EPDR1: variants seen among roughly 807,000 people sequenced by gnomAD.
EPDR1 encodes mammalian ependymin-related protein 1.
EPDR1 carries 27 observed loss-of-function variants against 23.7 expected under a neutral mutation model. The observed-to-expected ratio is 1.14, with a 90% CI of 0.84 to 1.57. The LOEUF is 1.57. Among genes scored for constraint, EPDR1 ranks in the 40% most tolerant of loss-of-function variants. EPDR1 has a pLI of 0.00. For synonymous variants in EPDR1, 137 were observed against 118.2 expected (o/e 1.16, Z -1.03); for missense variants, 349 against 290.4 (o/e 1.20, Z -1.47).
In EPDR1 at chr7:37,948,876, G is replaced by C. The variant is rs756362663; in HGVS notation, c.306G>C (p.Val102=). Residue 102 remains valine, a synonymous_variant, in exon 2 of 3, where the codon GTG becomes GTC. Coordinates refer to ENST00000199448, the MANE Select transcript of EPDR1 (RefSeq NM_017549.5). ...FEYILLYKDG[V]MFQIDQATKQ... is the part of the protein sequence containing the mutation. The stretch of plus-strand genomic sequence containing the variant: ...ATATTTTGCTGTATAAGGATGGAGT[G>C]ATGTTTCAGATTGACCAAGCCACCA... 1.2e-6 allele frequency: 2 copies of C among 1,614,156 alleles called. No individual in the cohort carries two copies. Among genetic ancestry groups the C allele is most frequent in the South Asian group, 2.2e-5 (2 of 91,074 alleles).
intron 1 of EPDR1, among the ~76,000 whole-genome samples, chr7:37,932,876 A>T (rs561123753): frequency 6.6e-6 from 1 of 152,308 alleles, no homozygotes; most frequent in South Asian, 2.1e-4. Context: ...ATCCAGATAT[A>T]TTTTGGGAAA....
At chr7:37,941,136 C>G (rs1334841682) in intron 1 of EPDR1, among the ~76,000 whole-genome samples, 1 of 152,126 alleles carries the variant, frequency 6.6e-6, no homozygotes, top group Non-Finnish European at 1.5e-5. Flanking sequence ...GTTTGTCATA[C>G]ATTGAATAAA....
rs952263281 is a variant in EPDR1 at position 37,931,045 on chromosome 7, A to T, written c.269+9837A>T. Among the ~76,000 whole-genome samples, 99 of 138,920 alleles carry T rather than the reference A, an allele frequency of 7.1e-4. 1 individual carries two copies. The highest frequency in any genetic ancestry group is 1.2e-3 in the Non-Finnish European group (74 of 62,736). 91.1% of individuals were successfully genotyped at this position (138,920 alleles called of 152,430 possible). Reference sequence around the variant, plus strand: ...CAATTCATGTTTTAGTCAGCTAGAGAAATTATTCAATTTTTTTTTTCAGAG... The same window carrying T: ...CAATTCATGTTTTAGTCAGCTAGAGTAATTATTCAATTTTTTTTTTCAGAG... On this transcript the variant is annotated intron_variant, in intron 1 of 2. Coordinates refer to ENST00000199448, the MANE Select transcript of EPDR1 (RefSeq NM_017549.5).
At position 37,950,238 on chromosome 7, in the gene EPDR1, T is replaced by C. The variant is rs1393321238; in HGVS notation, c.517T>C (p.Tyr173His). 6.2e-7 allele frequency: 1 copy of C among 1,614,116 alleles called. No homozygotes were observed. The highest frequency in any genetic ancestry group is 1.1e-5 in the South Asian group (1 of 91,060). ...WIGIYTVKDC[Y>H]PVQETFTINY... Reference sequence around the variant, plus strand: ...TGGCATCTATACAGTCAAGGATTGCTATCCTGTCCAGGAAACCTTTACCAT... The same window carrying C: ...TGGCATCTATACAGTCAAGGATTGCCATCCTGTCCAGGAAACCTTTACCAT... The change falls in exon 3 of 3, where the codon TAT becomes CAT. Residue 173 changes from tyrosine (Y) to histidine (H), a missense_variant. Transcript: ENST00000199448.
chr7:37,945,769 T>C (rs1786262662), intron 1 of EPDR1, among the ~76,000 whole-genome samples: 1 of 152,220 alleles, frequency 6.6e-6, no homozygotes, highest in South Asian at 2.1e-4. Context: ...GATGTGCAGA[T>C]TTGTTACACA....
chr7:37,948,157 C>G (rs997729425), intron 1 of EPDR1, among the ~76,000 whole-genome samples: 14 of 152,122 alleles, frequency 9.2e-5, no homozygotes, highest in African/African-American at 2.7e-4. Context: ...TGACTGAGTG[C>G]TGTGAGAGAA....
At chr7:37,928,260 C>A (rs767800596) in intron 1 of EPDR1, among the ~76,000 whole-genome samples, 3 of 152,148 alleles carry the variant, frequency 2.0e-5, no homozygotes, top group African/African-American at 4.8e-5. Context: ...GGGCAAAGTG[C>A]CCAAAGATCT....
chr7:37,945,952 G>T (rs149181145), intron 1 of EPDR1, among the ~76,000 whole-genome samples: 2 of 152,080 alleles, frequency 1.3e-5, no homozygotes, highest in African/African-American at 4.8e-5. Flanking sequence ...TTCAGCTCCC[G>T]CTTATAAGTG....
intron 1 of EPDR1, among the ~76,000 whole-genome samples, chr7:37,932,456 T>A (rs946712552): frequency 2.0e-5 from 3 of 152,206 alleles, no homozygotes; most frequent in Non-Finnish European, 2.9e-5. Context: ...ATATTTTTCA[T>A]CAGAAAGCTA....
chr7:37,928,259 G>GC (rs1002093652), intron 1 of EPDR1, among the ~76,000 whole-genome samples: 1 of 152,178 alleles, frequency 6.6e-6, no homozygotes, highest in African/African-American at 2.4e-5. Flanking sequence ...GGGGCAAAGT[G>GC]CCCAAAGATC....
At chr7:37,927,546 A>C (rs966409433) in intron 1 of EPDR1, among the ~76,000 whole-genome samples, 68 of 152,282 alleles carry the variant, frequency 4.5e-4, no homozygotes, top group African/African-American at 1.5e-3. Context: ...GGTCCTACCT[A>C]GTGGCTTTAG....
chr7:37,941,423 T>C (rs1199979621), intron 1 of EPDR1, among the ~76,000 whole-genome samples: 1 of 152,212 alleles, frequency 6.6e-6, no homozygotes, highest in Non-Finnish European at 1.5e-5. Flanking sequence ...GCAGCATTAA[T>C]AGTGGGAAGG....
Position 37,921,074 on chromosome 7 carries a change from G to A in EPDR1, c.135G>A (p.Pro45=), listed in dbSNP as rs1785686923. 2 of 1,569,522 alleles carry A rather than the reference G, an allele frequency of 1.3e-6. No homozygotes were observed. Among genetic ancestry groups the A allele is most frequent in the Admixed American group, 1.8e-5 (1 of 56,540 alleles). ...GAGCCCCGCGCCCGTGCCAGGCGCC[G>A]CAGCAGTGGGAGGGGCGCCAGGTTA... The part of the protein sequence containing the change: ...AVGAPRPCQA[P]QQWEGRQVMY... The change falls in exon 1 of 3, where the codon CCG becomes CCA. Residue 45 remains proline, a synonymous_variant. Transcript: ENST00000199448.
intron 1 of EPDR1, among the ~76,000 whole-genome samples, chr7:37,938,394 A>G (rs1188977319): frequency 6.6e-6 from 1 of 152,164 alleles, no homozygotes; most frequent in Non-Finnish European, 1.5e-5. Context: ...ATCTCATGGA[A>G]TTGTCCTTGT....
chr7:37,946,307 G>T lies in EPDR1; in HGVS notation c.270-2533G>T, dbSNP rs143343826. On this transcript the variant is annotated intron_variant, in intron 1 of 2. Transcript: ENST00000199448. ...TTCTAGGTCTTTGAGGAATTGCCAC[G>T]CTGTCTTCCACAATGGTTGAACTAA... 2.9e-3 allele frequency among the ~76,000 whole-genome samples: 434 copies of T among 152,218 alleles called. 2 individuals carry two copies. Among genetic ancestry groups the T allele is most frequent in the African/African-American group, 0.01 (421 of 41,542 alleles).
Position 37,938,035 on chromosome 7 carries a change from G to A in EPDR1, c.270-10805G>A, listed in dbSNP as rs1400442438. ...AGATGGAGCCTTTCTCTGCCGCCCAGGCTAGAATGCAGTGGTGCAGTCTCA... is the reference window on the plus strand; with the variant it reads ...AGATGGAGCCTTTCTCTGCCGCCCAAGCTAGAATGCAGTGGTGCAGTCTCA... On this transcript the variant is annotated intron_variant, in intron 1 of 2. Coordinates refer to ENST00000199448, the MANE Select transcript of EPDR1 (RefSeq NM_017549.5). Among the ~76,000 whole-genome samples, 11 of 107,052 alleles carry A rather than the reference G, an allele frequency of 1.0e-4. No individual in the cohort carries two copies. In the Admixed American group the frequency reaches 1.1e-3, roughly 11 times the overall value. 70.2% of individuals were successfully genotyped at this position (107,052 alleles called of 152,430 possible). A position where few individuals can be genotyped will look rare whatever the true frequency, so the allele number is the denominator to read the frequency against.
chr7:37,943,478 T>G (rs962350730), intron 1 of EPDR1, among the ~76,000 whole-genome samples: 20 of 152,360 alleles, frequency 1.3e-4, no homozygotes, highest in African/African-American at 4.1e-4. Context: ...ATGCAGAGAC[T>G]TATGTCCTAA....
chr7:37,926,135 C>T (rs890311174), intron 1 of EPDR1, among the ~76,000 whole-genome samples: 1 of 152,068 alleles, frequency 6.6e-6, no homozygotes, highest in African/African-American at 2.4e-5. Context: ...GCTGCTATCA[C>T]CTAAGGTAAC....
At chr7:37,944,992 T>C (rs1355188664) in intron 1 of EPDR1, among the ~76,000 whole-genome samples, 1 of 152,162 alleles carries the variant, frequency 6.6e-6, no homozygotes, top group Non-Finnish European at 1.5e-5. Flanking sequence ...GCACAAGATA[T>C]TGCTGGTGGT....
Sources: allele counts gnomAD v4.1 joint callset (sites outside exome capture counted in the v4.1 genomes callset), GRCh38; gene constraint gnomAD v4.1.1; transcripts MANE v1.5; gene names NCBI Gene and HGNC (gene_info 2026-07-23, HGNC 2026-07-21).